The following HOOK3 variants were observed in gnomAD, a reference collection of about 807,000 sequenced individuals.
HOOK3 encodes protein Hook homolog 3.
HOOK3 carries 24 observed loss-of-function variants against 116.3 expected under a neutral mutation model. The observed-to-expected ratio is 0.21, with a 90% CI of 0.15 to 0.29. The LOEUF (loss-of-function observed/expected upper bound fraction) is 0.29. Among genes scored for constraint, HOOK3 ranks in the 10% least tolerant of loss-of-function variants. HOOK3 has a pLI of 1.00. For missense variants in HOOK3, 632 were observed against 830.2 expected (o/e 0.76, Z 2.93); for synonymous variants, 275 against 283.0 (o/e 0.97, Z 0.28).
rs34564365 is a variant in HOOK3 at position 42,946,763 on chromosome 8, CTT to C, written c.400+3338_400+3339del. On this transcript the variant is annotated intron_variant, in intron 5 of 21. Transcript: ENST00000307602. Reference sequence around the variant, plus strand: ...TTATCATACCATTTTCTCTTTCTTTCTTTTTTTTTTTTTTTTTTTTTCTGGGA... The same window carrying C: ...TTATCATACCATTTTCTCTTTCTTTCTTTTTTTTTTTTTTTTTTTCTGGGA... Among the ~76,000 whole-genome samples the C allele has an allele frequency of 2.1e-3, 155 of 73,936 alleles. 1 individual carries two copies. Among genetic ancestry groups the C allele is most frequent in the African/African-American group, 5.6e-3 (99 of 17,644 alleles). 48.5% of individuals were successfully genotyped at this position (73,936 alleles called of 152,430 possible). A position where few individuals can be genotyped will look rare whatever the true frequency, so the allele number is the denominator to read the frequency against.
chr8:42,898,338 T>G (rs1193393162), intron 1 of HOOK3, among the ~76,000 whole-genome samples: 1 of 152,212 alleles, frequency 6.6e-6, no homozygotes, highest in Non-Finnish European at 1.5e-5. Context: ...TTAGGGGATT[T>G]CAGATCGTTA....
chr8:42,974,701 C>T (rs2130434740), intron 13 of HOOK3, among the ~76,000 whole-genome samples: 1 of 152,336 alleles, frequency 6.6e-6, no homozygotes, highest in East Asian at 1.9e-4. Context: ...GGTCCGAACC[C>T]TTAGTCACTG....
At chr8:42,939,250 G>T (rs1053819078) in intron 4 of HOOK3, among the ~76,000 whole-genome samples, 6 of 152,304 alleles carry the variant, frequency 3.9e-5, no homozygotes, top group East Asian at 1.9e-4. Context: ...CCCAGACGGG[G>T]TGGTGGCCGG....
chr8:42,985,182 A>G (rs1051138643), intron 14 of HOOK3, among the ~76,000 whole-genome samples: 1 of 152,198 alleles, frequency 6.6e-6, no homozygotes, highest in Non-Finnish European at 1.5e-5. Flanking sequence ...TCTGTTGTCT[A>G]AAAATGCACC....
rs549177516 is a variant in HOOK3 at position 42,911,176 on chromosome 8, G to A, written c.143+4918G>A. ...TATTCTAAGAGCTGTAAGAGGTCGG[G>A]TGCGGTGGCTCACGCCTGTAATCCC... On this transcript the variant is annotated intron_variant, in intron 2 of 21. Coordinates refer to ENST00000307602, the MANE Select transcript of HOOK3 (RefSeq NM_032410.4). Among the ~76,000 whole-genome samples the A allele has an allele frequency of 2.6e-5, 4 of 152,346 alleles. No homozygotes were observed. The South Asian group carries it at 8.3e-4, about 32-fold the overall frequency.
intron 17 of HOOK3, among the ~76,000 whole-genome samples, chr8:43,005,214 A>ATATATAAT (rs1809459430): frequency 9.5e-5 from 6 of 63,186 alleles, no homozygotes; most frequent in Non-Finnish European, 1.1e-4. Flanking sequence ...TATATATATA[A>ATATATAAT]TTTTTTTTTT....
intron 17 of HOOK3, among the ~76,000 whole-genome samples, chr8:43,007,258 TCCGCCTGCCAAG>T (rs1809511013): frequency 6.6e-6 from 1 of 152,160 alleles, no homozygotes; most frequent in Non-Finnish European, 1.5e-5. Flanking sequence ...TGTCAAGTGA[TCCGCCTGCCAAG>T]GCCTCCCAAA....
intron 5 of HOOK3, among the ~76,000 whole-genome samples, chr8:42,947,150 C>G (rs977920983): frequency 3.3e-5 from 5 of 152,064 alleles, no homozygotes; most frequent in African/African-American, 9.7e-5. Context: ...CAGTTGTGAT[C>G]TATGTATATT....
intron 4 of HOOK3, among the ~76,000 whole-genome samples, chr8:42,934,530 T>C (rs1378262172): frequency 6.6e-6 from 1 of 152,184 alleles, no homozygotes; most frequent in Non-Finnish European, 1.5e-5. Context: ...CTCCTAATGC[T>C]ATCCCTCCCC....
Position 42,950,478 on chromosome 8 carries a change from T to C in HOOK3, c.468+23T>C, listed in dbSNP as rs150655563. 6.5e-4 allele frequency: 1,007 copies of C among 1,544,526 alleles called. 14 individuals are homozygous for C. In the South Asian group the frequency reaches 9.4e-3, roughly 14 times the overall value. On this transcript the variant is annotated intron_variant, in intron 6 of 21. Coordinates refer to ENST00000307602, the MANE Select transcript of HOOK3 (RefSeq NM_032410.4). ...GAGGTATGTTGGAGCTTCATGCTTA[T>C]AGTTTATGAAAAATTAAAGGAGTAA... is the stretch of plus-strand genomic sequence containing the variant.
chr8:42,930,089 T>C (rs757268379), intron 3 of HOOK3, 33 bp from the exon 4 acceptor site: 5 of 1,546,846 alleles, frequency 3.2e-6, no homozygotes, highest in South Asian at 1.3e-5. Context: ...CTGTCTTGCC[T>C]TTTACCCAGT....
intron 21 of HOOK3, among the ~76,000 whole-genome samples, chr8:43,017,495 G>T (rs537772797): frequency 1.3e-5 from 2 of 152,162 alleles, no homozygotes; most frequent in South Asian, 4.1e-4. Flanking sequence ...TGAGCTTCTA[G>T]CCTCAAGTGA....
At chr8:43,005,205 A>ATATG (rs1192702611) in intron 17 of HOOK3, among the ~76,000 whole-genome samples, 2 of 139,756 alleles carry the variant, frequency 1.4e-5, no homozygotes, top group East Asian at 2.0e-4. Flanking sequence ...CTCTCTATAT[A>ATATG]TATATATAAT....
At chr8:42,915,198 T>G (rs1807507718) in intron 2 of HOOK3, among the ~76,000 whole-genome samples, 1 of 152,046 alleles carries the variant, frequency 6.6e-6, no homozygotes, top group African/African-American at 2.4e-5. Context: ...CCAGGTGATT[T>G]TCACTTTCCT....
intron 2 of HOOK3, among the ~76,000 whole-genome samples, chr8:42,913,247 C>G (rs1260846461): frequency 6.6e-6 from 1 of 152,228 alleles, no homozygotes; most frequent in African/African-American, 2.4e-5. Context: ...TCCATCACTT[C>G]TAAAAGTATC....
intron 2 of HOOK3, among the ~76,000 whole-genome samples, chr8:42,917,829 C>T (rs1807562244): frequency 6.6e-6 from 1 of 152,106 alleles, no homozygotes; most frequent in African/African-American, 2.4e-5. Context: ...CCATTATGTA[C>T]CTGTATTGTT....
At chr8:42,994,268 G>T (rs1055794465) in intron 15 of HOOK3, among the ~76,000 whole-genome samples, 4 of 151,144 alleles carry the variant, frequency 2.6e-5, no homozygotes, top group Non-Finnish European at 5.9e-5. Context: ...CACCCACATT[G>T]GCCTCCCAAA....
chr8:42,959,210 T>C, intron 7 of HOOK3, 21 bp from the exon 8 acceptor site: 5 of 1,523,286 alleles, frequency 3.3e-6, no homozygotes, highest in Non-Finnish European at 4.5e-6. Context: ...TTAAAATGTT[T>C]ATCTCTTTGT....
At chr8:42,908,749 C>T (rs1345187265) in intron 2 of HOOK3, among the ~76,000 whole-genome samples, 1 of 152,110 alleles carries the variant, frequency 6.6e-6, no homozygotes, top group African/African-American at 2.4e-5. Context: ...TGTTATTGGT[C>T]TGGGGGATGA....
Sources: gnomAD v4.1 joint callset for allele counts (sites outside exome capture counted in the v4.1 genomes callset) on GRCh38, gnomAD v4.1.1 for gene constraint, MANE v1.5 for transcripts, NCBI Gene and HGNC (gene_info 2026-07-23, HGNC 2026-07-21) for gene names.